Variants in ARHGEF1 observed in about 807,000 individuals in gnomAD.
The protein encoded by ARHGEF1 is Rho guanine nucleotide exchange factor 1.
ARHGEF1 carries 40 observed loss-of-function variants against 119.7 expected under a neutral mutation model. The observed-to-expected ratio is 0.33, with a 90% confidence interval of 0.26 to 0.44. The LOEUF is 0.44. Among genes scored for constraint, ARHGEF1 ranks in the 20% least tolerant of loss-of-function variants. The pLI is 1.00. For synonymous variants in ARHGEF1, 494 were observed against 521.0 expected (o/e 0.95, Z 0.71); for missense variants, 976 against 1,268.3 (o/e 0.77, Z 3.50).
At chr19:41,922,823 C>T (rs1173089724), upstream of ARHGEF1, among the ~76,000 whole-genome samples, 2 of 152,236 alleles carry the variant, frequency 1.3e-5, no homozygotes, top group African/African-American at 2.4e-5. Flanking sequence ...ATTATTGTGA[C>T]AAGATGCAAT....
Position 41,883,735 on chromosome 19 carries a change from C to T in ARHGEF1, c.-20+446C>T, listed in dbSNP as rs2074254138. Among the ~76,000 whole-genome samples the T allele has an allele frequency of 1.3e-5, 2 of 152,166 alleles. No individual in the cohort carries two copies. Among genetic ancestry groups the T allele is most frequent in the South Asian group, 2.1e-4 (1 of 4,828 alleles). ...AGGGCCACCTAAAAATGAAAAACAA[C>T]AATAACAACAACGACGAGGGTCGCT... On this transcript the variant is annotated intron_variant, in intron 1 of 28. Coordinates refer to ENST00000354532, the MANE Select transcript of ARHGEF1 (RefSeq NM_004706.4). The surrounding 1 kb of genome is among the most constrained non-coding windows in gnomAD (Gnocchi z 7.6).
At position 41,904,862 on chromosome 19, in the gene ARHGEF1, G is replaced by C; in HGVS notation, c.2162-87G>C. ...TGGGAGCCCTGAGAGCGCCACCACT[G>C]TGGGTGACTTCTCCAGCTTGTGCTT... is the stretch of plus-strand genomic sequence containing the variant. On this transcript the variant is annotated intron_variant, in intron 22 of 28. Coordinates refer to ENST00000354532, the MANE Select transcript of ARHGEF1 (RefSeq NM_004706.4). The surrounding 1 kb of genome is among the most constrained non-coding windows in gnomAD (Gnocchi z 8.4). 8.7e-7 allele frequency: 1 copy of C among 1,155,588 alleles called. No individual in the cohort carries two copies. The highest frequency in any genetic ancestry group is 1.7e-5 in the Admixed American group (1 of 58,162). The allele number at this position is 1,155,588 out of a possible 1,614,324, so 71.6% of individuals were successfully genotyped here.
In ARHGEF1 at chr19:41,907,110, T is replaced by C; in HGVS notation, c.*23T>C. ...TCTTCTCCTACATCCCCCAGGCCTT[T>C]TGCAAGAAGGAGAGGAATGGGGGAG... On this transcript the variant is annotated 3_prime_UTR_variant, in exon 29 of 29. Coordinates refer to ENST00000354532, the MANE Select transcript of ARHGEF1 (RefSeq NM_004706.4). 6.6e-7 allele frequency: 1 copy of C among 1,522,486 alleles called. No individual in the cohort carries two copies. The highest frequency in any genetic ancestry group is 8.8e-7 in the Non-Finnish European group (1 of 1,140,986). 94.3% of individuals were successfully genotyped at this position (1,522,486 alleles called of 1,614,324 possible). A position where few individuals can be genotyped will look rare whatever the true frequency, so the allele number is the denominator to read the frequency against.
In ARHGEF1 at chr19:41,904,933, C is replaced by G. The variant is rs201324923; in HGVS notation, c.2162-16C>G. 38 of 1,608,998 alleles carry G rather than the reference C, an allele frequency of 2.4e-5. 1 individual carries two copies. In the East Asian group the frequency reaches 4.5e-4, roughly 19 times the overall value. Reference sequence around the variant, plus strand: ...GGGACCTGGGCTCTGAGCCCCATCTCCCCCTCTCCCTGCAGATCACAAAGC... The same window carrying G: ...GGGACCTGGGCTCTGAGCCCCATCTGCCCCTCTCCCTGCAGATCACAAAGC... On this transcript the variant is annotated splice_polypyrimidine_tract_variant and intron_variant, in intron 22 of 28. Coordinates refer to ENST00000354532, the MANE Select transcript of ARHGEF1 (RefSeq NM_004706.4). This position sits in a 1 kb window ranked among gnomAD's most constrained non-coding sequence, Gnocchi z 8.4.
chr19:41,910,431 C>T (rs1555851145), downstream of ARHGEF1, among the ~76,000 whole-genome samples: 2 of 152,066 alleles, frequency 1.3e-5, no homozygotes, highest in East Asian at 3.9e-4. This position sits in a 1 kb window ranked among gnomAD's most constrained non-coding sequence, Gnocchi z 4.4. Context: ...GGAGGGGCAC[C>T]CGCCTCCAAC....
At position 41,893,315 on chromosome 19, in the gene ARHGEF1, A is replaced by C; in HGVS notation, c.644+12A>C. 1.3e-6 allele frequency: 2 copies of C among 1,587,662 alleles called. No homozygotes were observed. The highest frequency in any genetic ancestry group is 8.6e-7 in the Non-Finnish European group (1 of 1,166,804). ...GACGAAGAAAAGAGGTGAGGGGGGC[A>C]GGGGAGGCGTGCGGCCTCCTGGGTT... is the stretch of plus-strand genomic sequence containing the variant. On this transcript the variant is annotated intron_variant, in intron 8 of 28. Coordinates refer to ENST00000354532, the MANE Select transcript of ARHGEF1 (RefSeq NM_004706.4).
At chr19:41,918,860 C>T (rs2074820354), upstream of ARHGEF1, among the ~76,000 whole-genome samples, 1 of 150,834 alleles carries the variant, frequency 6.6e-6, no homozygotes, top group African/African-American at 2.4e-5. Flanking sequence ...ATCAGACACA[C>T]CACACACCAC....
rs1599663949 is a variant in ARHGEF1, at chr19:41,905,099, A to G, written c.2249+63A>G. On this transcript the variant is annotated intron_variant, in intron 23 of 28. Transcript: ENST00000354532. This position sits in a 1 kb window ranked among gnomAD's most constrained non-coding sequence, Gnocchi z 6.4. ...CGCCCAGGTTTCTGGGTTCCCAGGG[A>G]CAGGAGGGCTGTGGGGAGGCCCTGG... 6.2e-7 allele frequency: 1 copy of G among 1,610,750 alleles called. No homozygotes were observed. The highest frequency in any genetic ancestry group is 2.2e-5 in the East Asian group (1 of 44,848).
chr19:41,906,782 CT>C lies in ARHGEF1; in HGVS notation c.2737del (p.Ter913GlufsTer58). On this transcript the variant is annotated frameshift_variant, in exon 28 of 29. Transcript: ENST00000354532. LOFTEE classifies it high-confidence loss of function. The surrounding 1 kb of genome is among the most constrained non-coding windows in gnomAD (Gnocchi z 4.5). ...GGNSVPQPGC[T>X] ...AACTCTGTCCCCCAGCCTGGCTGCA[CT>C]TGAGGTTCCCGCCCAGGAAGGTGAG... The C allele has an allele frequency of 6.2e-7, 1 of 1,610,730 alleles. No homozygotes were observed. Among genetic ancestry groups the C allele is most frequent in the Non-Finnish European group, 8.5e-7 (1 of 1,178,568 alleles).
intron 13 of ARHGEF1, chr19:41,898,067 G>A: frequency 5.9e-6 from 8 of 1,350,770 alleles, no homozygotes; most frequent in Non-Finnish European, 6.6e-6. Context: ...CGTGGACATG[G>A]ACCCCAGTTC....
chr19:41,903,966 C>G lies in ARHGEF1; in HGVS notation c.1918-69C>G. 1 of 1,504,448 alleles carries G rather than the reference C, an allele frequency of 6.6e-7. No homozygotes were observed. The highest frequency in any genetic ancestry group is 9.2e-7 in the Non-Finnish European group (1 of 1,084,306). 93.2% of individuals were successfully genotyped at this position (1,504,448 alleles called of 1,614,324 possible). ...GGTCATCCCCGGCCACTGCCCTGCC[C>G]TTCCCCTCCCCACCAACCCCAATCA... On this transcript the variant is annotated intron_variant, in intron 20 of 28. Transcript: ENST00000354532. The surrounding 1 kb of genome is among the most constrained non-coding windows in gnomAD (Gnocchi z 4.2).
chr19:41,892,840 A>G lies in ARHGEF1; in HGVS notation c.605A>G (p.Glu202Gly), dbSNP rs1555846576. 6.5e-7 allele frequency: 1 copy of G among 1,548,728 alleles called. No individual in the cohort carries two copies. Among genetic ancestry groups the G allele is most frequent in the East Asian group, 2.3e-5 (1 of 43,228 alleles). ...HVAERLLMHL[E>G]EMQHTISTDE... ...GCGGAGCGGCTGCTCATGCACCTGG[A>G]GGAGATGCAGTGAGTAGGCCAGCCC... Residue 202 changes from glutamate to glycine, a missense_variant, in exon 7 of 29, where the codon GAG becomes GGG. Around this residue, in one of 3 missense-constraint regions of ARHGEF1, gnomAD observed 519 missense variants for 580.9 expected, o/e 0.89. Transcript: ENST00000354532. This position sits in a 1 kb window ranked among gnomAD's most constrained non-coding sequence, Gnocchi z 6.3.
Position 41,905,835 on chromosome 19 carries a change from C to T in ARHGEF1, c.2404+8C>T, listed in dbSNP as rs782465351. On this transcript the variant is annotated splice_region_variant and intron_variant, in intron 25 of 28. Coordinates refer to ENST00000354532, the MANE Select transcript of ARHGEF1 (RefSeq NM_004706.4). This position sits in a 1 kb window ranked among gnomAD's most constrained non-coding sequence, Gnocchi z 6.4. ...AGACGTCTCCAGCTGATGGTGAGAC[C>T]AGAGGGATGCTGGGTGAGGGGCCAG... The T allele has an allele frequency of 2.9e-5, 46 of 1,614,014 alleles. No homozygotes were observed. The East Asian group carries it at 8.7e-4, about 30-fold the overall frequency.
downstream of ARHGEF1, among the ~76,000 whole-genome samples, chr19:41,910,903 A>G (rs967294465): frequency 5.3e-5 from 8 of 151,972 alleles, no homozygotes; most frequent in Non-Finnish European, 8.8e-5. The surrounding 1 kb of genome is among the most constrained non-coding windows in gnomAD (Gnocchi z 4.4). Flanking sequence ...CGTCATCTCA[A>G]CAACCCCACA....
Position 41,888,332 on chromosome 19 carries a change from A to C in ARHGEF1, c.111+54A>C. ...TGTCCCAGGCTCAGTGTCCCGCCCC[A>C]GGTCCCCTCCCACCTGCAGATGCTG... On this transcript the variant is annotated intron_variant, in intron 3 of 28. Transcript: ENST00000354532. The surrounding 1 kb of genome is among the most constrained non-coding windows in gnomAD (Gnocchi z 5.1). 1 of 1,561,728 alleles carries C rather than the reference A, an allele frequency of 6.4e-7. No homozygotes were observed. The highest frequency in any genetic ancestry group is 1.7e-5 in the Admixed American group (1 of 59,684).
At position 41,902,113 on chromosome 19, in the gene ARHGEF1, C is replaced by T. The variant is rs139440640; in HGVS notation, c.1414+80C>T. The T allele has an allele frequency of 6.0e-4, 948 of 1,581,766 alleles. 10 individuals are homozygous for T. The South Asian group carries it at 6.7e-3, about 11-fold the overall frequency. ...GCTCTAGCCCTGGGTTCAACCTGCT[C>T]GGGAACCCCAGGGTTCACATGGGGT... On this transcript the variant is annotated intron_variant, in intron 15 of 28. Transcript: ENST00000354532. The surrounding 1 kb of genome is among the most constrained non-coding windows in gnomAD (Gnocchi z 6.5).
chr19:41,900,459 C>T (rs545970365), intron 14 of ARHGEF1, among the ~76,000 whole-genome samples: 1 of 152,226 alleles, frequency 6.6e-6, no homozygotes, highest in Admixed American at 6.5e-5. Flanking sequence ...CAATTTCTTT[C>T]CCCAGAAAGA....
downstream of ARHGEF1, among the ~76,000 whole-genome samples, chr19:41,911,185 G>T (rs2074749377): frequency 6.6e-6 from 1 of 152,124 alleles, no homozygotes; most frequent in African/African-American, 2.4e-5. Context: ...CATGCAGAGG[G>T]GAGTACTCCA....
chr19:41,895,402 G>T lies in ARHGEF1; in HGVS notation c.931G>T (p.Asp311Tyr). ...RKGGVGMPSR[D>Y]RNIGAPGQDT... ...GGGAGGCGTGGGGATGCCCTCTCGGGACCGGAATATCGGGGCTCCTGGGCA... is the reference window on the plus strand; with the variant it reads ...GGGAGGCGTGGGGATGCCCTCTCGGTACCGGAATATCGGGGCTCCTGGGCA... Residue 311 changes from aspartate to tyrosine, a missense_variant, in exon 12 of 29, where the codon GAC (aspartate) becomes TAC (tyrosine). Around this residue, in one of 3 missense-constraint regions of ARHGEF1, gnomAD observed 519 missense variants for 580.9 expected, o/e 0.89. Coordinates refer to ENST00000354532, the MANE Select transcript of ARHGEF1 (RefSeq NM_004706.4). 1.2e-6 allele frequency: 2 copies of T among 1,612,816 alleles called. No individual in the cohort carries two copies. Among genetic ancestry groups the T allele is most frequent in the South Asian group, 2.2e-5 (2 of 91,072 alleles).
Sources: allele counts gnomAD v4.1 joint callset (sites outside exome capture counted in the v4.1 genomes callset), GRCh38; gene constraint gnomAD v4.1.1; regional missense constraint gnomAD v4.1.1; non-coding constraint Gnocchi (gnomAD v3.1); transcripts MANE v1.5; gene names NCBI Gene and HGNC (gene_info 2026-07-23, HGNC 2026-07-21).